RFT1: variants seen among roughly 807,000 people sequenced by gnomAD.
The protein encoded by RFT1 is man(5)GlcNAc(2)-PP-dolichol translocation protein RFT1.
A neutral mutation model predicts 62.2 loss-of-function variants in RFT1; 43 were observed. The observed-to-expected ratio is 0.69, with a 90% CI of 0.54 to 0.89. The LOEUF is 0.89. Ranked by LOEUF, RFT1 falls within the 40% of genes least tolerant of loss-of-function variation. The pLI, the probability that RFT1 is intolerant of heterozygous loss-of-function variation, is 0.00. For missense variants in RFT1, 605 were observed against 649.9 expected (o/e 0.93, Z 0.75); for synonymous variants, 262 against 264.6 (o/e 0.99, Z 0.10).
intron 6 of RFT1, among the ~76,000 whole-genome samples, chr3:53,113,524 G>A (rs1474204892): frequency 6.6e-6 from 1 of 152,172 alleles, no homozygotes. Flanking sequence ...AGTCATGTGG[G>A]CCCCTGTTCT....
At chr3:53,098,801 C>CAAAAAAAAAAAAAAA (rs35371104) in intron 11 of RFT1, among the ~76,000 whole-genome samples, 1 of 57,634 alleles carries the variant, frequency 1.7e-5, no homozygotes, top group Non-Finnish European at 2.8e-5. Flanking sequence ...GACTCCATCT[C>CAAAAAAAAAAAAAAA]AAAAAAAAAA....
chr3:53,103,750 T>C, intron 10 of RFT1: 1 of 629,916 alleles, frequency 1.6e-6, no homozygotes, highest in South Asian at 1.9e-5. Flanking sequence ...GGAAGCTGAT[T>C]GTCCTGGCGC....
intron 5 of RFT1, among the ~76,000 whole-genome samples, chr3:53,121,165 A>C (rs986772753): frequency 2.0e-5 from 3 of 152,228 alleles, no homozygotes; most frequent in Non-Finnish European, 4.4e-5. Flanking sequence ...TAGAACTAGG[A>C]AACAATGAGA....
chr3:53,100,613 C>T (rs1354503021), intron 10 of RFT1, among the ~76,000 whole-genome samples: 3 of 152,122 alleles, frequency 2.0e-5, no homozygotes, highest in Non-Finnish European at 1.5e-5. Flanking sequence ...CTGATCCATG[C>T]GAAACCATGG....
At chr3:53,111,975 A>G (rs1357748482) in intron 6 of RFT1, 67 bp from the exon 7 acceptor site, 4 of 1,251,922 alleles carry the variant, frequency 3.2e-6, no homozygotes, top group South Asian at 1.2e-5. Flanking sequence ...GCAATGCTAC[A>G]TGAGAGGCAA....
At chr3:53,124,382 G>A (rs369328690) in intron 2 of RFT1, among the ~76,000 whole-genome samples, 106 of 152,254 alleles carry the variant, frequency 7.0e-4, no homozygotes, top group African/African-American at 2.3e-3. Context: ...GCATCTTAGC[G>A]AGGAGTAGCT....
chr3:53,100,674 C>T (rs1406554267), intron 10 of RFT1, among the ~76,000 whole-genome samples: 4 of 152,120 alleles, frequency 2.6e-5, no homozygotes, highest in South Asian at 4.1e-4. Flanking sequence ...TGCAAGAGCG[C>T]ACATGCTGCA....
At chr3:53,126,179 T>C (rs1332497389) in intron 1 of RFT1, among the ~76,000 whole-genome samples, 185 bp from the exon 2 acceptor site, 1 of 152,122 alleles carries the variant, frequency 6.6e-6, no homozygotes, top group African/African-American at 2.4e-5. Context: ...TTCCATGGGA[T>C]CTCTCAGCAC....
intron 8 of RFT1, 48 bp downstream of exon 8, chr3:53,106,771 A>G (rs775671426): frequency 7.8e-6 from 10 of 1,276,152 alleles, no homozygotes; most frequent in South Asian, 6.0e-5. Flanking sequence ...GGAAGTATCT[A>G]TTAATAGTGT....
chr3:53,114,056 A>G (rs1701725593), intron 6 of RFT1, among the ~76,000 whole-genome samples: 1 of 152,180 alleles, frequency 6.6e-6, no homozygotes, highest in African/African-American at 2.4e-5. Context: ...TGTTTAAAAC[A>G]GGCCATCTCC....
rs548020075 is a variant in RFT1 at position 53,091,719 on chromosome 3, C to T, written c.*184G>A. The T allele has an allele frequency of 9.1e-6, 6 of 661,796 alleles. No homozygotes were observed. The highest frequency in any genetic ancestry group is 7.2e-5 in the African/African-American group (4 of 55,464). 41.0% of individuals were successfully genotyped at this position (661,796 alleles called of 1,614,324 possible). A position where few individuals can be genotyped will look rare whatever the true frequency, so the allele number is the denominator to read the frequency against. On this transcript the variant is annotated 3_prime_UTR_variant, in exon 13 of 13. Coordinates refer to ENST00000296292, the MANE Select transcript of RFT1 (RefSeq NM_052859.4). ...CTTCACTTAAAAATGAAACTCCCCC[C>T]CCGCATTTCAGACTTCGAATGGTCA...
At chr3:53,086,554 G>A (rs564265072), downstream of RFT1, among the ~76,000 whole-genome samples, 24 of 152,266 alleles carry the variant, frequency 1.6e-4, no homozygotes, top group African/African-American at 5.1e-4. Context: ...GACCTCAGGC[G>A]ATCCACCTGC....
At chr3:53,087,675 A>T (rs1386430833), downstream of RFT1, among the ~76,000 whole-genome samples, 1 of 152,002 alleles carries the variant, frequency 6.6e-6, no homozygotes, top group Non-Finnish European at 1.5e-5. Context: ...GCGTGCCACC[A>T]CGCCCAGCTA....
At chr3:53,079,459 C>T in the RFT1 span, among the ~76,000 whole-genome samples, 3 of 152,208 alleles carry the variant, frequency 2.0e-5, no homozygotes, top group Admixed American at 2.0e-4. Context: ...CTAGGCTGGG[C>T]ACAGTGGCTC....
At chr3:53,098,366 A>G (rs954919030) in intron 11 of RFT1, among the ~76,000 whole-genome samples, 9 of 152,112 alleles carry the variant, frequency 5.9e-5, no homozygotes, top group African/African-American at 1.2e-4. Flanking sequence ...AAAGTCCCCA[A>G]TCTTTTACAT....
chr3:53,123,683 C>T (rs1702029928), intron 3 of RFT1, 41 bp downstream of exon 3: 2 of 1,472,138 alleles, frequency 1.4e-6, no homozygotes, highest in African/African-American at 1.4e-5. Context: ...CTCACTACAC[C>T]TGCCTTCCTG....
At chr3:53,079,985 A>C in the RFT1 span, among the ~76,000 whole-genome samples, 1 of 144,850 alleles carries the variant, frequency 6.9e-6, no homozygotes, top group Middle Eastern at 3.2e-3. Flanking sequence ...GGGCCTTGGA[A>C]AGCCGAGACC....
the RFT1 span, among the ~76,000 whole-genome samples, chr3:53,070,393 G>GGTTTTTTTTTT: frequency 1.2e-5 from 1 of 85,466 alleles, no homozygotes; most frequent in Non-Finnish European, 2.3e-5. Context: ...CTGTATTATG[G>GGTTTTTTTTTT]TTTTTTTTTT....
chr3:53,078,491 G>A, the RFT1 span, among the ~76,000 whole-genome samples: 195 of 152,322 alleles, frequency 1.3e-3, 1 homozygote, highest in Middle Eastern at 3.4e-3. Context: ...GCTCACGCCT[G>A]TAATCCCAGT....
Sources: gnomAD v4.1 joint callset for allele counts (sites outside exome capture counted in the v4.1 genomes callset) on GRCh38, gnomAD v4.1.1 for gene constraint, MANE v1.5 for transcripts, NCBI Gene and HGNC (gene_info 2026-07-23, HGNC 2026-07-21) for gene names.